The following PPHLN1 variants were observed in gnomAD, a reference collection of about 807,000 sequenced individuals.
The protein encoded by PPHLN1 is periphilin 1.
In PPHLN1, 29 loss-of-function variants were observed where a neutral mutation model predicts 51.3. The observed-to-expected ratio is 0.57, with a 90% CI of 0.42 to 0.77. The LOEUF (loss-of-function observed/expected upper bound fraction) is 0.77. PPHLN1 is among the 30% of genes least tolerant of loss of function. The probability of loss-of-function intolerance (pLI) is 0.00; values close to 1 mark genes in which losing one functional copy is unlikely to be tolerated. For missense variants in PPHLN1, 436 were observed against 438.4 expected (o/e 0.99, Z 0.05); for synonymous variants, 147 against 147.8 (o/e 0.99, Z 0.04).
intron 5 of PPHLN1, among the ~76,000 whole-genome samples, chr12:42,381,621 T>G (rs1480277022): frequency 6.6e-6 from 1 of 152,196 alleles, no homozygotes; most frequent in Non-Finnish European, 1.5e-5. Flanking sequence ...CATTTTTTGG[T>G]GTCTTTAACA....
chr12:42,408,470 T>C (rs1214077319), intron 9 of PPHLN1, among the ~76,000 whole-genome samples: 1 of 152,074 alleles, frequency 6.6e-6, no homozygotes, highest in Non-Finnish European at 1.5e-5. Context: ...CACTATGGAA[T>C]TTTATACAGG....
chr12:42,414,977 A>T (rs909586179), intron 9 of PPHLN1, among the ~76,000 whole-genome samples: 15 of 152,170 alleles, frequency 9.9e-5, no homozygotes, highest in Admixed American at 4.6e-4. Context: ...CAGGGTTTTA[A>T]TTCAGCTGTT....
chr12:42,345,007 A>C (rs1404686012), intron 2 of PPHLN1, among the ~76,000 whole-genome samples: 1 of 152,116 alleles, frequency 6.6e-6, no homozygotes, highest in Non-Finnish European at 1.5e-5. Flanking sequence ...TACCGTGCCC[A>C]GCCAGTGTGA....
At chr12:42,395,152 A>G (rs1228907029) in intron 8 of PPHLN1, among the ~76,000 whole-genome samples, 1 of 152,080 alleles carries the variant, frequency 6.6e-6, no homozygotes, top group Non-Finnish European at 1.5e-5. Context: ...TCGGATCTAG[A>G]AAGACTTTTT....
At chr12:42,403,642 T>C (rs1218833963) in intron 9 of PPHLN1, among the ~76,000 whole-genome samples, 1 of 152,202 alleles carries the variant, frequency 6.6e-6, no homozygotes, top group Admixed American at 6.5e-5. Context: ...AAATATAAAA[T>C]CTAGATAGTA....
At chr12:42,418,211 CTTT>C (rs60029170) in intron 9 of PPHLN1, among the ~76,000 whole-genome samples, 3 of 98,378 alleles carry the variant, frequency 3.0e-5, no homozygotes, top group Non-Finnish European at 3.8e-5. Flanking sequence ...TCCCGGCCCT[CTTT>C]TTTTTTTTTT....
chr12:42,427,958 A>G (rs1195784943), intron 9 of PPHLN1, among the ~76,000 whole-genome samples: 1 of 152,234 alleles, frequency 6.6e-6, no homozygotes, highest in African/African-American at 2.4e-5. Context: ...ACATGAATAG[A>G]CAATTCTAAA....
At chr12:42,328,417 G>C (rs17548889) in intron 1 of PPHLN1, among the ~76,000 whole-genome samples, 30,123 of 152,146 alleles carry the variant, frequency 0.2, 3,403 homozygotes, top group South Asian at 0.27. Flanking sequence ...GTTAACAGTT[G>C]ATTATCCTTT....
chr12:42,401,016 A>T (rs1371083505), intron 9 of PPHLN1, among the ~76,000 whole-genome samples: 1 of 152,182 alleles, frequency 6.6e-6, no homozygotes, highest in Non-Finnish European at 1.5e-5. Context: ...ATTACATTTA[A>T]AATGAACAAT....
intron 5 of PPHLN1, among the ~76,000 whole-genome samples, chr12:42,384,057 A>T (rs1025862241): frequency 6.6e-6 from 1 of 151,730 alleles, no homozygotes; most frequent in African/African-American, 2.4e-5. Context: ...CATAAAAACA[A>T]ATCAGCTTAT....
intron 9 of PPHLN1, among the ~76,000 whole-genome samples, chr12:42,400,801 C>T (rs2078774542): frequency 2.1e-5 from 1 of 48,360 alleles, no homozygotes; most frequent in South Asian, 1.1e-3. Context: ...CTCTCTTTCA[C>T]ACACACACAC....
chr12:42,405,263 G>A (rs1161059275), intron 9 of PPHLN1, among the ~76,000 whole-genome samples: 1 of 152,126 alleles, frequency 6.6e-6, no homozygotes, highest in Non-Finnish European at 1.5e-5. Context: ...TTTTTAAGAT[G>A]TGATCTGTCT....
intron 9 of PPHLN1, among the ~76,000 whole-genome samples, chr12:42,425,142 G>A (rs1353227912): frequency 4.6e-5 from 7 of 151,754 alleles, no homozygotes; most frequent in African/African-American, 1.5e-4. Context: ...GTGCAGTGGC[G>A]CGATCTCGGC....
At chr12:42,382,737 G>A (rs1402780202) in intron 5 of PPHLN1, among the ~76,000 whole-genome samples, 6 of 152,068 alleles carry the variant, frequency 3.9e-5, no homozygotes, top group Admixed American at 2.0e-4. Flanking sequence ...AAAGAGGAAG[G>A]GGTAGCTATG....
chr12:42,413,550 G>A (rs2080083240), intron 9 of PPHLN1, among the ~76,000 whole-genome samples: 2 of 151,204 alleles, frequency 1.3e-5, no homozygotes, highest in South Asian at 2.1e-4. Flanking sequence ...GTGTGTGTGT[G>A]TGTGTGTGTG....
intron 3 of PPHLN1, among the ~76,000 whole-genome samples, chr12:42,353,811 A>G (rs1352573353): frequency 6.6e-6 from 1 of 152,184 alleles, no homozygotes; most frequent in South Asian, 2.1e-4. Flanking sequence ...TTGAAACCTC[A>G]TGAAAATGAT....
At position 42,389,097 on chromosome 12, in the gene PPHLN1, G is replaced by T. The variant is rs952182500; in HGVS notation, c.648+1562G>T. On this transcript the variant is annotated intron_variant, in intron 7 of 9. Transcript: ENST00000358314. ...ACTAAAAATACAAAGAATTGGCTGG[G>T]TGTGGTGGCTCATGTCCGTAATCCT... 2.6e-5 allele frequency among the ~76,000 whole-genome samples: 4 copies of T among 152,274 alleles called. 1 individual carries two copies. The highest frequency in any genetic ancestry group is 2.6e-4 in the Admixed American group (4 of 15,304).
At chr12:42,407,039 C>T (rs2079377540) in intron 9 of PPHLN1, among the ~76,000 whole-genome samples, 2 of 152,156 alleles carry the variant, frequency 1.3e-5, no homozygotes, top group South Asian at 2.1e-4. Flanking sequence ...TTTCTGGACT[C>T]CATTCCATTG....
intron 7 of PPHLN1, among the ~76,000 whole-genome samples, chr12:42,389,431 G>A (rs2077492353): frequency 6.6e-6 from 1 of 151,436 alleles, no homozygotes; most frequent in African/African-American, 2.4e-5. Context: ...GTGGTGGCAC[G>A]TGCCTGTAGT....
Sources: allele counts gnomAD v4.1 joint callset (sites outside exome capture counted in the v4.1 genomes callset), GRCh38; gene constraint gnomAD v4.1.1; transcripts MANE v1.5; gene names NCBI Gene and HGNC (gene_info 2026-07-23, HGNC 2026-07-21).